STOX2: variants seen among roughly 807,000 people sequenced by gnomAD.
STOX2 encodes storkhead-box protein 2.
A neutral mutation model predicts 60.9 loss-of-function variants in STOX2; 28 were observed. The ratio of observed to expected loss-of-function variants is 0.46; its 90% CI spans 0.34 to 0.63. STOX2 has a LOEUF of 0.63. Among genes scored for constraint, STOX2 ranks in the 30% least tolerant of loss-of-function variants. The pLI is 0.01. For missense variants in STOX2, 1,024 were observed against 1,187.7 expected, an observed-to-expected ratio of 0.86 and a Z score of 2.03; for synonymous variants, 472 against 463.9, an observed-to-expected ratio of 1.02 and a Z score of -0.22.
intron 1 of STOX2, among the ~76,000 whole-genome samples, chr4:183,867,030 T>C (rs893528488): frequency 3.3e-5 from 5 of 152,358 alleles, no homozygotes; most frequent in African/African-American, 7.2e-5. Flanking sequence ...TCTTTTTTTT[T>C]TCCCCCTATG....
intron 1 of STOX2, among the ~76,000 whole-genome samples, chr4:183,946,371 T>A (rs1230285587): frequency 4.6e-5 from 7 of 152,110 alleles, no homozygotes; most frequent in Admixed American, 4.6e-4. Context: ...CAGCAAGAAC[T>A]TAATAATAAG....
At chr4:183,916,046 G>A (rs1741922768) in intron 1 of STOX2, among the ~76,000 whole-genome samples, 1 of 152,272 alleles carries the variant, frequency 6.6e-6, no homozygotes, top group Non-Finnish European at 1.5e-5. Context: ...GAGGGCAGGG[G>A]CCAGAGACCT....
intron 1 of STOX2, among the ~76,000 whole-genome samples, chr4:183,985,158 G>T (rs1161593870): frequency 6.6e-6 from 1 of 152,156 alleles, no homozygotes; most frequent in Non-Finnish European, 1.5e-5. Context: ...TTGTGACCTT[G>T]ACCTCATTGG....
intron 1 of STOX2, among the ~76,000 whole-genome samples, chr4:183,840,038 CTG>C (rs1040807744): frequency 2.0e-5 from 3 of 151,444 alleles, no homozygotes; most frequent in African/African-American, 2.4e-5. Context: ...TTCATGGACT[CTG>C]TGTGTGTGTG....
intron 1 of STOX2, among the ~76,000 whole-genome samples, chr4:183,864,685 C>T (rs1443992428): frequency 6.6e-6 from 1 of 152,128 alleles, no homozygotes; most frequent in Non-Finnish European, 1.5e-5. Flanking sequence ...AGAGCCACTG[C>T]GCCCGGCCAA....
chr4:183,852,558 A>AGG (rs1740180095), intron 1 of STOX2, among the ~76,000 whole-genome samples: 3 of 151,570 alleles, frequency 2.0e-5, no homozygotes, highest in Admixed American at 6.6e-5. Flanking sequence ...GGAAAGGATG[A>AGG]GAGAAAGGAT....
intron 1 of STOX2, among the ~76,000 whole-genome samples, chr4:183,970,143 T>TGTGC (rs1743698139): frequency 7.0e-6 from 1 of 142,334 alleles, no homozygotes; most frequent in African/African-American, 2.7e-5. Flanking sequence ...CATGTACGTG[T>TGTGC]GTGTGTGTGT....
At chr4:183,983,590 C>T (rs777123582) in intron 1 of STOX2, among the ~76,000 whole-genome samples, 7 of 152,302 alleles carry the variant, frequency 4.6e-5, no homozygotes, top group Admixed American at 1.3e-4. Flanking sequence ...GGGGAAGCCG[C>T]GTCTGACCAT....
chr4:183,874,979 ATATATATATAT>A lies in STOX2; in HGVS notation c.364+76925_364+76935del, dbSNP rs1235123949. On this transcript the variant is annotated intron_variant, in intron 1 of 2. Transcript: ENST00000513034. ...TATATATATATATATATATATATAT[ATATATATATAT>A]ATAAAACTTAGAATTTTGCAGTGTG... Among the ~76,000 whole-genome samples, 777 of 109,434 alleles carry A rather than the reference ATATATATATAT, an allele frequency of 7.1e-3. 13 individuals carry two copies. The highest frequency in any genetic ancestry group is 0.01 in the African/African-American group (271 of 26,988). 71.8% of individuals were successfully genotyped at this position (109,434 alleles called of 152,430 possible). A position where few individuals can be genotyped will look rare whatever the true frequency, so the allele number is the denominator to read the frequency against.
chr4:183,968,742 T>C (rs1316758900), intron 1 of STOX2, among the ~76,000 whole-genome samples: 1 of 111,664 alleles, frequency 9.0e-6, no homozygotes. Context: ...TGAGAGTAGG[T>C]TGGGTTGCGG....
intron 1 of STOX2, among the ~76,000 whole-genome samples, chr4:183,933,549 A>C (rs1399261819): frequency 6.6e-6 from 1 of 152,004 alleles, no homozygotes. Context: ...CCACCATGCC[A>C]GGCTAACTTT....
At chr4:183,971,955 C>T (rs894589914) in intron 1 of STOX2, among the ~76,000 whole-genome samples, 4 of 152,132 alleles carry the variant, frequency 2.6e-5, no homozygotes, top group Admixed American at 6.5e-5. Context: ...GCATAGACTC[C>T]GAGGTAGCCC....
intron 1 of STOX2, among the ~76,000 whole-genome samples, chr4:183,964,811 C>T (rs554357234): frequency 2.0e-5 from 3 of 152,164 alleles, no homozygotes; most frequent in East Asian, 1.9e-4. Flanking sequence ...CTCAAACTCC[C>T]GACCCTAGGT....
chr4:183,864,440 C>A (rs534452976), intron 1 of STOX2, among the ~76,000 whole-genome samples: 1 of 152,276 alleles, frequency 6.6e-6, no homozygotes, highest in African/African-American at 2.4e-5. Context: ...TGTCACCAGG[C>A]TGGAGTGCAG....
intron 1 of STOX2, among the ~76,000 whole-genome samples, chr4:183,862,138 G>T (rs1444819253): frequency 2.6e-5 from 4 of 151,988 alleles, no homozygotes; most frequent in Non-Finnish European, 4.4e-5. Context: ...AGAATGAGGG[G>T]ATTTCAGATA....
At chr4:183,874,938 AAAAAAAAAAAAAAAAT>A (rs1740780931) in intron 1 of STOX2, among the ~76,000 whole-genome samples, 1 of 87,310 alleles carries the variant, frequency 1.1e-5, no homozygotes, top group African/African-American at 4.6e-5. Flanking sequence ...AAAAAAAAAA[AAAAAAAAAAAAAAAAT>A]ATATATATAT....
At chr4:183,890,164 C>T (rs928895406) in intron 1 of STOX2, among the ~76,000 whole-genome samples, 2 of 152,086 alleles carry the variant, frequency 1.3e-5, no homozygotes, top group African/African-American at 4.8e-5. Context: ...ACAAGGAAAC[C>T]GGTAAACTCA....
chr4:183,909,712 C>T (rs529719574), intron 1 of STOX2, among the ~76,000 whole-genome samples: 32 of 152,194 alleles, frequency 2.1e-4, no homozygotes, highest in Non-Finnish European at 3.8e-4. Context: ...TCTAGCATCC[C>T]GTACCACACA....
At chr4:183,804,374 A>G (rs1163049953) in intron 1 of STOX2, among the ~76,000 whole-genome samples, 1 of 152,230 alleles carries the variant, frequency 6.6e-6, no homozygotes, top group Non-Finnish European at 1.5e-5. Context: ...ACCAGCAATG[A>G]CAGAGGAGCA....
Sources: allele counts gnomAD v4.1 joint callset (sites outside exome capture counted in the v4.1 genomes callset), GRCh38; gene constraint gnomAD v4.1.1; transcripts MANE v1.5; gene names NCBI Gene and HGNC (gene_info 2026-07-23, HGNC 2026-07-21).